The following PVT1 variants were observed in gnomAD, a reference collection of about 807,000 sequenced individuals.
PVT1 encodes the protein CXCR4/PVT1 fusion.
intron 2 of PVT1, among the ~76,000 whole-genome samples, chr8:127,889,717 T>C (rs907695781): frequency 5.3e-5 from 8 of 152,138 alleles, no homozygotes; most frequent in African/African-American, 1.7e-4. Context: ...AGATTTAGGC[T>C]TCTTACTAGT....
At chr8:127,823,059 G>A (rs1232016025) in intron 2 of PVT1, among the ~76,000 whole-genome samples, 1 of 152,248 alleles carries the variant, frequency 6.6e-6, no homozygotes. Flanking sequence ...CAAAGCTCAA[G>A]TAGTGTATTT....
In PVT1 at chr8:128,068,405, C is replaced by T. The variant is rs193284483; in HGVS notation, n.913-1755C>T. On this transcript the variant is annotated intron_variant and non_coding_transcript_variant, in intron 4 of 10. Transcript: ENST00000651587. ...AATAGCACATCAGTGAACTTGGGGT[C>T]CCTGGGAGTCACAGTGATGTTCACC... Among the ~76,000 whole-genome samples, 72 of 152,216 alleles carry T rather than the reference C, an allele frequency of 4.7e-4. 1 individual carries two copies. The East Asian group carries it at 0.012, about 26-fold the overall frequency.
chr8:127,970,905 T>C (rs1816758375), intron 3 of PVT1, among the ~76,000 whole-genome samples: 1 of 152,168 alleles, frequency 6.6e-6, no homozygotes, highest in African/African-American at 2.4e-5. Flanking sequence ...ACATGTCCCA[T>C]CTCATGTCAT....
chr8:127,932,083 G>A (rs980868933), intron 3 of PVT1, among the ~76,000 whole-genome samples: 5 of 152,226 alleles, frequency 3.3e-5, no homozygotes, highest in Non-Finnish European at 5.9e-5. Context: ...GGAGGGCCTG[G>A]CCTTTGGCGG....
At chr8:127,827,406 C>T (rs1204240274) in intron 2 of PVT1, among the ~76,000 whole-genome samples, 1 of 152,140 alleles carries the variant, frequency 6.6e-6, no homozygotes, top group Non-Finnish European at 1.5e-5. Context: ...GCCTCTGGTC[C>T]CCTGGCAGCC....
intron 2 of PVT1, among the ~76,000 whole-genome samples, chr8:127,888,996 C>T (rs1045372398): frequency 6.6e-6 from 1 of 152,138 alleles, no homozygotes; most frequent in Non-Finnish European, 1.5e-5. Context: ...GCCAGTCTGC[C>T]AGTCCGCCTT....
chr8:128,024,214 G>T (rs1817468656), intron 4 of PVT1, among the ~76,000 whole-genome samples: 1 of 152,202 alleles, frequency 6.6e-6, no homozygotes, highest in African/African-American at 2.4e-5. Flanking sequence ...AGGCTACACG[G>T]CAGTGAGTGT....
intron 2 of PVT1, among the ~76,000 whole-genome samples, chr8:127,817,423 T>TA (rs563187108): frequency 7.8e-6 from 1 of 129,032 alleles, no homozygotes; most frequent in Non-Finnish European, 1.7e-5. Flanking sequence ...TTTAAATAGA[T>TA]ATATATATAT....
At chr8:127,995,933 T>G (rs16902517) in intron 4 of PVT1, among the ~76,000 whole-genome samples, 39,780 of 152,010 alleles carry the variant, frequency 0.26, 5,364 homozygotes, top group East Asian at 0.41. Context: ...AGGCTAATGT[T>G]TAGAAGCTTT....
intron 2 of PVT1, among the ~76,000 whole-genome samples, chr8:127,808,637 G>C (rs1206395275): frequency 3.3e-5 from 5 of 152,144 alleles, no homozygotes; most frequent in Non-Finnish European, 7.4e-5. Context: ...TGGCCCATTT[G>C]GGGACTGAAT....
At chr8:127,809,868 T>TA (rs1327499694) in intron 2 of PVT1, among the ~76,000 whole-genome samples, 3 of 152,204 alleles carry the variant, frequency 2.0e-5, no homozygotes, top group African/African-American at 7.2e-5. Flanking sequence ...TCTTCGCACT[T>TA]AGAGATTTTG....
intron 5 of PVT1, among the ~76,000 whole-genome samples, chr8:128,080,537 G>A (rs890964017): frequency 6.6e-6 from 1 of 152,176 alleles, no homozygotes; most frequent in African/African-American, 2.4e-5. Context: ...CAGTTCTTTT[G>A]CTCATGTTTT....
At chr8:128,041,610 GGTGT>G (rs58542209) in intron 4 of PVT1, among the ~76,000 whole-genome samples, 3 of 88,802 alleles carry the variant, frequency 3.4e-5, no homozygotes, top group Non-Finnish European at 7.6e-5. Flanking sequence ...ACATGTGTTT[GGTGT>G]GTGTGTGTGT....
intron 3 of PVT1, chr8:127,932,475 G>A (rs1816218671): frequency 2.5e-6 from 1 of 398,466 alleles, no homozygotes; most frequent in Non-Finnish European, 4.4e-6. Context: ...GACTTCGCAG[G>A]TGAGCAGTAA....
At chr8:127,870,897 T>A (rs182707132) in intron 2 of PVT1, among the ~76,000 whole-genome samples, 144 of 152,336 alleles carry the variant, frequency 9.5e-4, no homozygotes, top group Non-Finnish European at 1.2e-4. Flanking sequence ...TGGTGAGTAG[T>A]GTTGCTGAAT....
chr8:127,993,463 G>A (rs1240147075), intron 4 of PVT1, among the ~76,000 whole-genome samples: 1 of 152,232 alleles, frequency 6.6e-6, no homozygotes, highest in African/African-American at 2.4e-5. Context: ...TGGTTTTGAG[G>A]AAAGGCTGGG....
chr8:127,956,544 G>T (rs1212192378), intron 3 of PVT1, among the ~76,000 whole-genome samples: 1 of 152,252 alleles, frequency 6.6e-6, no homozygotes, highest in African/African-American at 2.4e-5. Flanking sequence ...GAGTGCAGTG[G>T]CGTGATCTCG....
At chr8:128,014,742 A>C (rs1817352302) in intron 4 of PVT1, among the ~76,000 whole-genome samples, 1 of 152,230 alleles carries the variant, frequency 6.6e-6, no homozygotes, top group African/African-American at 2.4e-5. Flanking sequence ...TTGAAATTGA[A>C]GTTCTAGATG....
chr8:127,970,285 A>ATTTC (rs1321419703), intron 3 of PVT1, among the ~76,000 whole-genome samples: 1 of 26,816 alleles, frequency 3.7e-5, no homozygotes, highest in Non-Finnish European at 7.7e-5. Flanking sequence ...ATCTGCCATG[A>ATTTC]TTTGTTTTTT....
Sources: allele counts gnomAD v4.1 joint callset (sites outside exome capture counted in the v4.1 genomes callset), GRCh38; gene constraint gnomAD v4.1.1; transcripts MANE v1.5; gene names NCBI Gene and HGNC (gene_info 2026-07-23, HGNC 2026-07-21).